The following MYH14 variants were observed in gnomAD, a reference collection of about 807,000 sequenced individuals.
MYH14 encodes myosin-14.
In MYH14, 123 loss-of-function variants were observed where a neutral mutation model predicts 255.5. The ratio of observed to expected loss-of-function variants is 0.48; its 90% confidence interval spans 0.42 to 0.56. The LOEUF is 0.56. Ranked by LOEUF, MYH14 falls within the 20% of genes least tolerant of loss-of-function variation. The pLI, the probability that MYH14 is intolerant of heterozygous loss-of-function variation, is 0.00. For synonymous variants in MYH14, 1,095 were observed against 1,161.2 expected (o/e 0.94, Z 1.16); for missense variants, 2,423 against 2,802.3 (o/e 0.86, Z 3.06).
Position 50,210,625 on chromosome 19 carries a change from G to A in MYH14, c.260G>A (p.Arg87Lys). 6.4e-7 allele frequency: 1 copy of A among 1,570,178 alleles called. No individual in the cohort carries two copies. The highest frequency in any genetic ancestry group is 8.6e-7 in the Non-Finnish European group (1 of 1,158,920). ...EAEVELAESG[R>K]RLRLPRDQIQ... is the part of the protein sequence containing the mutation. Reference sequence around the variant, plus strand: ...GAGGTGGAGCTGGCGGAGAGCGGGAGGCGGCTGCGACTGCCGCGGGACCAG... The same window carrying A: ...GAGGTGGAGCTGGCGGAGAGCGGGAAGCGGCTGCGACTGCCGCGGGACCAG... The change falls in exon 2 of 43, where the codon AGG becomes AAG. Residue 87 changes from arginine to lysine, a missense_variant. By Grantham distance (26) the Arg-to-Lys change is conservative (BLOSUM62 2). Coordinates refer to ENST00000642316, the MANE Select transcript of MYH14 (RefSeq NM_001145809.2).
chr19:50,276,107 C>A lies in MYH14; in HGVS notation c.3584C>A (p.Ala1195Glu), dbSNP rs910420638. Residue 1195 changes from alanine (A) to glutamate (E), a missense_variant, in exon 28 of 43, where the codon GCG becomes GAG. Ala to Glu is a moderately radical substitution (Grantham distance 107). Transcript: ENST00000642316. This position sits in a 1 kb window ranked among gnomAD's most constrained non-coding sequence, Gnocchi z 4.3. ...TCTGAGCGTGTGGCCAGGACCAAGG[C>A]GGAGAAGCAGCGCCGGGACCTGGGC... ...LESERVARTKAEKQRRDLGEE... is the reference protein window; with the variant it reads ...LESERVARTKEEKQRRDLGEE... 1.9e-6 allele frequency: 3 copies of A among 1,605,786 alleles called. No homozygotes were observed. Among genetic ancestry groups the A allele is most frequent in the Non-Finnish European group, 2.5e-6 (3 of 1,176,990 alleles).
intron 2 of MYH14, among the ~76,000 whole-genome samples, chr19:50,214,416 C>T (rs1480414198): frequency 6.6e-6 from 1 of 152,162 alleles, no homozygotes; most frequent in Non-Finnish European, 1.5e-5. Context: ...GTTTCTGCCA[C>T]TAATAGGCTG....
In MYH14 at chr19:50,239,534, C is replaced by T. The variant is rs561561691; in HGVS notation, c.1115-4708C>T. ...AAGAAATGCTGACCTCCCACCCCCACTCACACACACCTTTTTCTTTTTCTT... is the reference window on the plus strand; with the variant it reads ...AAGAAATGCTGACCTCCCACCCCCATTCACACACACCTTTTTCTTTTTCTT... On this transcript the variant is annotated intron_variant, in intron 10 of 42. Coordinates refer to ENST00000642316, the MANE Select transcript of MYH14 (RefSeq NM_001145809.2). 1.2e-4 allele frequency among the ~76,000 whole-genome samples: 19 copies of T among 152,228 alleles called. No homozygotes were observed. The East Asian group carries it at 3.5e-3, about 28-fold the overall frequency.
intron 15 of MYH14, among the ~76,000 whole-genome samples, chr19:50,251,349 A>G (rs2034362337): frequency 6.6e-6 from 1 of 152,124 alleles, no homozygotes; most frequent in Non-Finnish European, 1.5e-5. Context: ...TCAAGCCCCC[A>G]GGGAAAAAGA....
intron 20 of MYH14, among the ~76,000 whole-genome samples, chr19:50,261,019 TATCACCCCCCTCCCCGTCACCCC>T (rs2034831086): frequency 2.7e-5 from 1 of 36,794 alleles, no homozygotes; most frequent in East Asian, 8.8e-4. Context: ...CATCATCCCC[TATCACCCCCCTCCCCGTCACCCC>T]ATCACCCCCT....
At chr19:50,207,193 C>T (rs1172191314) in intron 1 of MYH14, among the ~76,000 whole-genome samples, 1 of 148,394 alleles carries the variant, frequency 6.7e-6, no homozygotes, top group African/African-American at 2.5e-5. Flanking sequence ...CACTGCACTC[C>T]AACTCCAGCC....
chr19:50,270,815 C>T (rs1019463992), intron 24 of MYH14, among the ~76,000 whole-genome samples: 1 of 151,910 alleles, frequency 6.6e-6, no homozygotes, highest in Non-Finnish European at 1.5e-5. Flanking sequence ...CTGCCTCAGC[C>T]TCCAGAGTAG....
chr19:50,236,034 T>TA (rs34909309), intron 10 of MYH14, among the ~76,000 whole-genome samples: 76,553 of 149,710 alleles, frequency 0.51, 19,484 homozygotes, highest in East Asian at 0.58. Flanking sequence ...TTGGAACAAT[T>TA]AAAAAAAAAA....
intron 19 of MYH14, among the ~76,000 whole-genome samples, chr19:50,259,807 G>C (rs8108132): frequency 1.6e-4 from 24 of 152,074 alleles, no homozygotes; most frequent in African/African-American, 5.5e-4. Flanking sequence ...GAACCGGGAA[G>C]GGGGAGGTTG....
At chr19:50,268,999 A>G (rs1457029214) in intron 24 of MYH14, among the ~76,000 whole-genome samples, 1 of 152,210 alleles carries the variant, frequency 6.6e-6, no homozygotes, top group Non-Finnish European at 1.5e-5. Context: ...TTTCTATTTC[A>G]TAATTTCTGC....
chr19:50,228,592 A>G (rs2033222069), intron 8 of MYH14, among the ~76,000 whole-genome samples: 1 of 152,062 alleles, frequency 6.6e-6, no homozygotes, highest in South Asian at 2.1e-4. Context: ...TTTTCTGCTC[A>G]TGGCTGCTCC....
intron 37 of MYH14, among the ~76,000 whole-genome samples, chr19:50,292,901 G>A (rs2123455931): frequency 6.6e-6 from 1 of 151,242 alleles, no homozygotes; most frequent in East Asian, 1.9e-4. Flanking sequence ...CTATGGTGAG[G>A]GGGGCCGGAG....
At chr19:50,255,579 C>T (rs143036984) in intron 17 of MYH14, among the ~76,000 whole-genome samples, 21 of 152,090 alleles carry the variant, frequency 1.4e-4, no homozygotes, top group Admixed American at 6.6e-4. Flanking sequence ...TACTATGTGC[C>T]GTTCACCATG....
In MYH14 at chr19:50,230,540, C is replaced by T. The variant is rs1301737138; in HGVS notation, c.890C>T (p.Ser297Leu). 7.0e-6 allele frequency: 11 copies of T among 1,565,026 alleles called. No individual in the cohort carries two copies. The highest frequency in any genetic ancestry group is 9.5e-6 in the Non-Finnish European group (11 of 1,155,394). ...CTGTGTCCAGACCTGCTGGAGAAGT[C>T]GCGGGCCATCCGCCAGGCCAAGGAC... is the stretch of plus-strand genomic sequence containing the variant. ...ANIETYLLEK[S>L]RAIRQAKDEC... Residue 297 changes from serine (S) to leucine (L), a missense_variant, in exon 9 of 43, where the codon TCG becomes TTG. Transcript: ENST00000642316. The surrounding 1 kb of genome is among the most constrained non-coding windows in gnomAD (Gnocchi z 4.7).
chr19:50,246,637 A>AAAACAAAACAAAAC (rs59828821), intron 11 of MYH14, among the ~76,000 whole-genome samples: 2,567 of 150,870 alleles, frequency 0.017, 93 homozygotes, highest in African/African-American at 0.059. Flanking sequence ...AAAACAAAAC[A>AAAACAAAACAAAAC]AAACAAACAA....
chr19:50,287,386 CTTCTATT>C (rs757415025), intron 34 of MYH14, among the ~76,000 whole-genome samples: 5 of 152,176 alleles, frequency 3.3e-5, no homozygotes, highest in Non-Finnish European at 7.4e-5. Context: ...TAAGGAGAAT[CTTCTATT>C]ACTTGTTTTT....
rs561241434 is a variant in MYH14, at chr19:50,222,324, C to CA, written c.563-753dup. ...TGAAACCCTGTCTCTACTTAAAATACAAAAAATTAGCTGGGCGTGGTGGTG... is the reference window on the plus strand; with the variant it reads ...TGAAACCCTGTCTCTACTTAAAATACAAAAAAATTAGCTGGGCGTGGTGGTG... On this transcript the variant is annotated intron_variant, in intron 3 of 42. Coordinates refer to ENST00000642316, the MANE Select transcript of MYH14 (RefSeq NM_001145809.2). Among the ~76,000 whole-genome samples the CA allele has an allele frequency of 4.3e-3, 654 of 151,800 alleles. 5 individuals are homozygous for CA. Among genetic ancestry groups the CA allele is most frequent in the Middle Eastern group, 0.024 (7 of 294 alleles).
chr19:50,261,984 CA>C (rs2034898361), intron 21 of MYH14, among the ~76,000 whole-genome samples: 1 of 152,180 alleles, frequency 6.6e-6, no homozygotes, highest in African/African-American at 2.4e-5. Context: ...TCTCCCTGGC[CA>C]GTCCCTCGAG....
At position 50,217,246 on chromosome 19, in the gene MYH14, C is replaced by A. The variant is rs530768924; in HGVS notation, c.406-369C>A. Among the ~76,000 whole-genome samples the A allele has an allele frequency of 1.6e-4, 24 of 152,292 alleles. No homozygotes were observed. The South Asian group carries it at 5.0e-3, about 32-fold the overall frequency. ...TGTAGGAATGCATCGTATGAAGATGCATTCAGGTCGTTTCTAGTCTTTTGC... is the reference window on the plus strand; with the variant it reads ...TGTAGGAATGCATCGTATGAAGATGAATTCAGGTCGTTTCTAGTCTTTTGC... On this transcript the variant is annotated intron_variant, in intron 2 of 42. Transcript: ENST00000642316.
Sources: gnomAD v4.1 joint callset for allele counts (sites outside exome capture counted in the v4.1 genomes callset) on GRCh38, gnomAD v4.1.1 for gene constraint, Gnocchi (gnomAD v3.1) non-coding constraint, MANE v1.5 for transcripts, NCBI Gene and HGNC (gene_info 2026-07-23, HGNC 2026-07-21) for gene names.